CAMK1D: variants seen among roughly 807,000 people sequenced by gnomAD.
CAMK1D encodes the protein calcium/calmodulin-dependent protein kinase type 1D.
In CAMK1D, 9 loss-of-function variants were observed where a neutral mutation model predicts 47.7. The ratio of observed to expected loss-of-function variants is 0.19; its 90% CI spans 0.11 to 0.33. The LOEUF (loss-of-function observed/expected upper bound fraction) is 0.33. Ranked by LOEUF, CAMK1D falls within the 10% of genes least tolerant of loss-of-function variation. The pLI, the probability that CAMK1D is intolerant of heterozygous loss-of-function variation, is 1.00. For synonymous variants in CAMK1D, 184 were observed against 184.9 expected (o/e 0.99, Z 0.04); for missense variants, 291 against 488.7 (o/e 0.60, Z 3.81).
At chr10:12,573,290 T>C (rs1263090128) in intron 2 of CAMK1D, among the ~76,000 whole-genome samples, 3 of 152,146 alleles carry the variant, frequency 2.0e-5, no homozygotes, top group Non-Finnish European at 4.4e-5. Context: ...TGCCTGTGGG[T>C]GTCAGATGTG....
chr10:12,679,539 T>C (rs867785856), intron 3 of CAMK1D, among the ~76,000 whole-genome samples: 38 of 152,328 alleles, frequency 2.5e-4, no homozygotes, highest in Middle Eastern at 3.4e-3. Context: ...AGATTAGGCA[T>C]TCTAGTTTGA....
intron 2 of CAMK1D, among the ~76,000 whole-genome samples, chr10:12,600,470 T>C (rs1001445980): frequency 1.3e-5 from 2 of 152,240 alleles, no homozygotes; most frequent in Admixed American, 1.3e-4. Context: ...TGAACGTGTG[T>C]TTTGATTCCA....
chr10:12,410,905 G>T (rs1444985375), intron 1 of CAMK1D, among the ~76,000 whole-genome samples: 2 of 152,120 alleles, frequency 1.3e-5, no homozygotes, highest in African/African-American at 4.8e-5. Context: ...GGCTTTTCTT[G>T]ACTTTGTACT....
intron 1 of CAMK1D, among the ~76,000 whole-genome samples, chr10:12,368,844 G>T (rs1275233833): frequency 6.6e-6 from 1 of 152,042 alleles, no homozygotes; most frequent in East Asian, 1.9e-4. Flanking sequence ...TTGAGATGGA[G>T]TCTTGCTCTG....
Position 12,475,441 on chromosome 10 carries a change from C to T in CAMK1D, c.93-77784C>T, listed in dbSNP as rs540759417. Among the ~76,000 whole-genome samples, 4 of 152,268 alleles carry T rather than the reference C, an allele frequency of 2.6e-5. No individual in the cohort carries two copies. In the South Asian group the frequency reaches 8.3e-4, roughly 32 times the overall value. On this transcript the variant is annotated intron_variant, in intron 1 of 10. Coordinates refer to ENST00000619168, the MANE Select transcript of CAMK1D (RefSeq NM_153498.4). The stretch of plus-strand genomic sequence containing the variant: ...ATGTCCTCAAGGTTTGTCCATGTTG[C>T]AGCATGGGTCAGGATTTCCTTCCCC...
chr10:12,755,153 T>TTA (rs1836171372), intron 3 of CAMK1D, among the ~76,000 whole-genome samples: 1 of 152,110 alleles, frequency 6.6e-6, no homozygotes, highest in Non-Finnish European at 1.5e-5. Flanking sequence ...TAAAGTAGGA[T>TTA]TTGTTGAAGG....
intron 1 of CAMK1D, among the ~76,000 whole-genome samples, chr10:12,481,701 G>C (rs1435136332): frequency 6.6e-6 from 1 of 152,120 alleles, no homozygotes; most frequent in South Asian, 2.1e-4. Context: ...GTAGAGACGG[G>C]GTTTCACCAT....
At chr10:12,506,548 G>A (rs968536397) in intron 1 of CAMK1D, among the ~76,000 whole-genome samples, 8 of 151,652 alleles carry the variant, frequency 5.3e-5, no homozygotes, top group East Asian at 2.0e-4. Context: ...GGGGAGTCTC[G>A]TTCTGTCGCC....
chr10:12,654,356 A>G (rs1840061336), intron 2 of CAMK1D, among the ~76,000 whole-genome samples: 1 of 152,232 alleles, frequency 6.6e-6, no homozygotes, highest in African/African-American at 2.4e-5. Context: ...TAGGAAATCC[A>G]AGCTACAAGA....
intron 3 of CAMK1D, among the ~76,000 whole-genome samples, chr10:12,694,334 A>G (rs1287932397): frequency 5.5e-5 from 5 of 90,624 alleles, no homozygotes; most frequent in Admixed American, 2.0e-4. Context: ...TATAAAGTAT[A>G]TATAATATAT....
chr10:12,621,510 T>A (rs1223125795), intron 2 of CAMK1D, among the ~76,000 whole-genome samples: 1 of 152,246 alleles, frequency 6.6e-6, no homozygotes, highest in Non-Finnish European at 1.5e-5. Flanking sequence ...CCTAAGCATT[T>A]TCTTTATTTT....
intron 1 of CAMK1D, among the ~76,000 whole-genome samples, chr10:12,549,277 A>G (rs979601601): frequency 2.0e-5 from 3 of 152,128 alleles, no homozygotes; most frequent in Non-Finnish European, 4.4e-5. Context: ...GAATTTGATG[A>G]CTTTGGACAC....
intron 1 of CAMK1D, among the ~76,000 whole-genome samples, chr10:12,500,872 C>T (rs1458220983): frequency 1.3e-5 from 2 of 152,224 alleles, no homozygotes; most frequent in African/African-American, 4.8e-5. Context: ...GGAAACTGTG[C>T]TGTTATTAAC....
At chr10:12,418,903 A>T (rs1839947474) in intron 1 of CAMK1D, among the ~76,000 whole-genome samples, 1 of 152,158 alleles carries the variant, frequency 6.6e-6, no homozygotes, top group Admixed American at 6.6e-5. Context: ...CCATAGATGG[A>T]AGGCCTCAGC....
intron 1 of CAMK1D, among the ~76,000 whole-genome samples, chr10:12,462,009 C>G (rs752145232): frequency 1.3e-5 from 2 of 152,128 alleles, no homozygotes; most frequent in Non-Finnish European, 2.9e-5. Context: ...TATACCAAGA[C>G]CCCTAACTCC....
At chr10:12,686,132 T>A (rs911672188) in intron 3 of CAMK1D, among the ~76,000 whole-genome samples, 8 of 152,168 alleles carry the variant, frequency 5.3e-5, no homozygotes, top group Non-Finnish European at 1.2e-4. Context: ...TCTTTGCTGC[T>A]CACTTTAGCC....
At chr10:12,403,011 CT>C (rs559070730) in intron 1 of CAMK1D, among the ~76,000 whole-genome samples, 13 of 148,470 alleles carry the variant, frequency 8.8e-5, no homozygotes, top group South Asian at 8.7e-4. Flanking sequence ...TGCAAGCAGG[CT>C]TTTTTTTTTC....
chr10:12,656,344 T>C (rs1161024878), intron 2 of CAMK1D, among the ~76,000 whole-genome samples: 1 of 152,076 alleles, frequency 6.6e-6, no homozygotes, highest in Non-Finnish European at 1.5e-5. Context: ...ATGCCAAAAT[T>C]AGCTGGGTGT....
chr10:12,428,594 G>A (rs2131984735), intron 1 of CAMK1D, among the ~76,000 whole-genome samples: 1 of 152,238 alleles, frequency 6.6e-6, no homozygotes, highest in South Asian at 2.1e-4. Flanking sequence ...TCCCCACTGA[G>A]CCAGGGCAGC....
Sources: gnomAD v4.1 joint callset for allele counts (sites outside exome capture counted in the v4.1 genomes callset) on GRCh38, gnomAD v4.1.1 for gene constraint, MANE v1.5 for transcripts, NCBI Gene and HGNC (gene_info 2026-07-23, HGNC 2026-07-21) for gene names.